The following AP1G1 variants were observed in gnomAD, a reference collection of about 807,000 sequenced individuals.
The protein encoded by AP1G1 is AP-1 complex subunit gamma-1.
In AP1G1, 7 loss-of-function variants were observed where a neutral mutation model predicts 108.3. That is an observed-to-expected ratio of 0.06 (90% CI 0.04 to 0.12). The LOEUF is 0.12. Ranked by LOEUF, AP1G1 falls within the 10% of genes least tolerant of loss-of-function variation. The pLI is 1.00. For missense variants in AP1G1, 756 were observed against 1,010.7 expected, an observed-to-expected ratio of 0.75 and a Z score of 3.42; for synonymous variants, 379 against 353.5, an observed-to-expected ratio of 1.07 and a Z score of -0.81.
intron 1 of AP1G1, among the ~76,000 whole-genome samples, chr16:71,806,971 CTCAAT>C (rs1256593979): frequency 6.6e-6 from 1 of 152,130 alleles, no homozygotes; most frequent in African/African-American, 2.4e-5. Flanking sequence ...AAAAGCTTGA[CTCAAT>C]TCAAGTTATA....
intron 4 of AP1G1, among the ~76,000 whole-genome samples, chr16:71,772,638 A>G (rs1395371989): frequency 6.6e-6 from 1 of 152,200 alleles, no homozygotes; most frequent in Admixed American, 6.5e-5. Context: ...ATTAATAGAG[A>G]GGCACAGTAA....
chr16:71,794,039 G>C (rs190308334), intron 1 of AP1G1, among the ~76,000 whole-genome samples: 19 of 152,292 alleles, frequency 1.2e-4, no homozygotes, highest in African/African-American at 4.3e-4. Flanking sequence ...TTTATAAAAA[G>C]ACCTTGATTC....
At chr16:71,754,170 T>C (rs1474524229) in intron 12 of AP1G1, among the ~76,000 whole-genome samples, 1 of 150,228 alleles carries the variant, frequency 6.7e-6, no homozygotes, top group Admixed American at 6.7e-5. Context: ...GCCTAGGAGG[T>C]TGAGGCTACA....
intron 9 of AP1G1, 23 bp from the exon 10 acceptor site, chr16:71,761,590 G>T (rs776510242): frequency 1.3e-6 from 2 of 1,563,084 alleles, no homozygotes; most frequent in Non-Finnish European, 8.8e-7. Flanking sequence ...AGCATAGGTC[G>T]AAATTTAGGA....
intron 3 of AP1G1, 63 bp downstream of exon 3, chr16:71,774,405 A>T (rs2031697067): frequency 6.4e-7 from 1 of 1,559,990 alleles, no homozygotes; most frequent in Non-Finnish European, 8.7e-7. Context: ...CTCCGTCTCA[A>T]AGAAAATACA....
At chr16:71,776,110 C>A (rs766458824) in intron 2 of AP1G1, among the ~76,000 whole-genome samples, 1 of 152,182 alleles carries the variant, frequency 6.6e-6, no homozygotes, top group Non-Finnish European at 1.5e-5. Flanking sequence ...CAAATGGATA[C>A]CTGTGTATAC....
chr16:71,761,142 A>G (rs1019203045), intron 10 of AP1G1, among the ~76,000 whole-genome samples: 2 of 152,204 alleles, frequency 1.3e-5, no homozygotes, highest in Non-Finnish European at 2.9e-5. Context: ...AGTTTCATGT[A>G]AATAAATCAA....
intron 11 of AP1G1, among the ~76,000 whole-genome samples, chr16:71,756,798 C>T (rs938050244): frequency 2.6e-5 from 4 of 151,778 alleles, no homozygotes; most frequent in Admixed American, 6.6e-5. Context: ...AAAAATTAGC[C>T]GGGCATGGTG....
rs760873711 is a variant in AP1G1, at chr16:71,764,722, C to T, written c.743G>A (p.Arg248Gln). 2 of 1,606,184 alleles carry T rather than the reference C, an allele frequency of 1.2e-6. No homozygotes were observed. Among genetic ancestry groups the T allele is most frequent in the South Asian group, 1.1e-5 (1 of 89,104 alleles). ...SGISDPFLQV[R>Q]ILRLLRILGR... ...TAAAATTCTTAATAACCGCAAAATT[C>T]GTACCTAACGTGCAAAAGATGAGAG... is the stretch of plus-strand genomic sequence containing the variant. The change falls in exon 8 of 23, where the codon CGA (arginine) becomes CAA (glutamine). Residue 248 changes from arginine (R) to glutamine (Q), a missense_variant. Around this residue, in one of 3 missense-constraint regions of AP1G1, gnomAD observed 304 missense variants for 483.6 expected, o/e 0.63. Transcript: ENST00000299980.
chr16:71,768,269 G>T (rs914113179), intron 6 of AP1G1, among the ~76,000 whole-genome samples: 2 of 150,998 alleles, frequency 1.3e-5, no homozygotes, highest in Non-Finnish European at 3.0e-5. Flanking sequence ...AGGCTGAGGC[G>T]GGTGGATCAC....
At chr16:71,801,493 T>G (rs538446502) in intron 1 of AP1G1, among the ~76,000 whole-genome samples, 19 of 152,256 alleles carry the variant, frequency 1.2e-4, no homozygotes, top group Non-Finnish European at 2.5e-4. Context: ...CTGTTAAAAT[T>G]TGGGGTTAAA....
intron 4 of AP1G1, among the ~76,000 whole-genome samples, chr16:71,772,503 A>T (rs991958282): frequency 1.3e-5 from 2 of 152,208 alleles, no homozygotes; most frequent in Admixed American, 1.3e-4. Context: ...AGTAGCTCAC[A>T]TATTCTTTAA....
Position 71,789,474 on chromosome 16 carries a change from T to A in AP1G1, c.6A>T (p.Pro2=). Residue 2 remains proline, a synonymous_variant, in exon 2 of 23, where the codon CCA becomes CCT. Coordinates refer to ENST00000299980, the MANE Select transcript of AP1G1 (RefSeq NM_001128.6). ...TCAGCTCCCGCAATCTGATGGGGGC[T>A]GGCATCCTCTGGATATGGAAAGACA... M[P]APIRLRELIR... The A allele has an allele frequency of 1.2e-6, 2 of 1,614,106 alleles. No homozygotes were observed. Among genetic ancestry groups the A allele is most frequent in the Non-Finnish European group, 1.7e-6 (2 of 1,179,974 alleles).
intron 5 of AP1G1, 59 bp from the exon 6 acceptor site, chr16:71,769,758 C>G: frequency 7.0e-7 from 1 of 1,429,200 alleles, no homozygotes; most frequent in Non-Finnish European, 9.8e-7. Context: ...TTTTATAGAA[C>G]AGGACTTTGA....
intron 2 of AP1G1, chr16:71,777,543 G>C: frequency 2.9e-6 from 1 of 342,608 alleles, no homozygotes; most frequent in Non-Finnish European, 6.0e-6. Context: ...GGACTTGTCT[G>C]TTCCCACCCC....
chr16:71,796,844 A>G (rs966167257), intron 1 of AP1G1, among the ~76,000 whole-genome samples: 5 of 152,124 alleles, frequency 3.3e-5, no homozygotes, highest in Non-Finnish European at 5.9e-5. Flanking sequence ...AAATGCAAAC[A>G]TGCCTACTGA....
At chr16:71,800,200 T>TA (rs1231534802) in intron 1 of AP1G1, among the ~76,000 whole-genome samples, 1,966 of 125,026 alleles carry the variant, frequency 0.016, 17 homozygotes, top group African/African-American at 0.019. Context: ...CTGTCTCTAC[T>TA]AAAAAAAAAA....
chr16:71,769,243 A>T (rs2031472050), intron 6 of AP1G1, among the ~76,000 whole-genome samples: 1 of 151,958 alleles, frequency 6.6e-6, no homozygotes, highest in South Asian at 2.1e-4. Flanking sequence ...AGATCACGCC[A>T]TTGCACTCCA....
intron 1 of AP1G1, among the ~76,000 whole-genome samples, 190 bp from the exon 2 acceptor site, chr16:71,789,672 A>C (rs192034398): frequency 6.6e-6 from 1 of 152,202 alleles, no homozygotes; most frequent in African/African-American, 2.4e-5. Flanking sequence ...AACTCTGTAC[A>C]TTTCTGGAAA....
Sources: gnomAD v4.1 joint callset for allele counts (sites outside exome capture counted in the v4.1 genomes callset) on GRCh38, gnomAD v4.1.1 for gene constraint, gnomAD v4.1.1 regional missense constraint, MANE v1.5 for transcripts, NCBI Gene and HGNC (gene_info 2026-07-23, HGNC 2026-07-21) for gene names.